The following MCPH1 variants were observed in gnomAD, a reference collection of about 807,000 sequenced individuals.
The protein encoded by MCPH1 is microcephalin 1.
Under a neutral mutation model 84.5 loss-of-function variants are expected in MCPH1, and 104 were observed. That is an observed-to-expected ratio of 1.23 (90% CI 1.05 to 1.45). The LOEUF is 1.45. MCPH1 is among the 40% of genes most tolerant of loss of function. The probability of loss-of-function intolerance (pLI) is 0.00; values close to 1 mark genes in which losing one functional copy is unlikely to be tolerated. For synonymous variants in MCPH1, 514 were observed against 366.8 expected, an observed-to-expected ratio of 1.40 and a Z score of -4.58; for missense variants, 1,498 against 1,005.7, an observed-to-expected ratio of 1.49 and a Z score of -6.62.
intron 9 of MCPH1, among the ~76,000 whole-genome samples, chr8:6,473,360 G>A (rs2442489): frequency 0.67 from 85,031 of 127,052 alleles, 31,394 homozygotes; most frequent in Non-Finnish European, 0.82. Flanking sequence ...AGACGGAGTC[G>A]GGCTCTGTTG....
At position 6,465,540 on chromosome 8, in the gene MCPH1, G is replaced by T. The variant is rs187700938; in HGVS notation, c.1935+10288G>T. Among the ~76,000 whole-genome samples the T allele has an allele frequency of 1.1e-3, 164 of 152,288 alleles. 1 individual carries two copies. The highest frequency in any genetic ancestry group is 3.8e-3 in the African/African-American group (159 of 41,570). On this transcript the variant is annotated intron_variant, in intron 9 of 13. Coordinates refer to ENST00000344683, the MANE Select transcript of MCPH1 (RefSeq NM_024596.5). The stretch of plus-strand genomic sequence containing the variant: ...AGTCTTCCTGGGAGGTTTCTGGAAA[G>T]CGTTCTCTCACTTGTGATAGCCCTG...
At chr8:6,630,253 T>A (rs991862643) in intron 13 of MCPH1, among the ~76,000 whole-genome samples, 1 of 152,060 alleles carries the variant, frequency 6.6e-6, no homozygotes, top group African/African-American at 2.4e-5. Context: ...CCTGACAATG[T>A]TGAAAAAGAA....
chr8:6,593,081 GTTTTTTTT>G (rs377256909), intron 12 of MCPH1, among the ~76,000 whole-genome samples: 1 of 121,734 alleles, frequency 8.2e-6, no homozygotes, highest in East Asian at 2.5e-4. Flanking sequence ...TTAGGGTGTG[GTTTTTTTT>G]TTTTTTTTTT....
chr8:6,421,560 A>G (rs889998075), intron 3 of MCPH1, among the ~76,000 whole-genome samples: 2 of 152,150 alleles, frequency 1.3e-5, no homozygotes, highest in African/African-American at 2.4e-5. Flanking sequence ...AAAAAATTCA[A>G]ATGTTTACTA....
At chr8:6,624,874 C>CTTTT (rs34427383) in intron 13 of MCPH1, 6 of 879,098 alleles carry the variant, frequency 6.8e-6, no homozygotes, top group African/African-American at 1.9e-5. Flanking sequence ...AAATCATATA[C>CTTTT]TTTTTTTTTT....
At chr8:6,623,634 G>GTAAT (rs1831717879) in intron 13 of MCPH1, among the ~76,000 whole-genome samples, 1 of 125,892 alleles carries the variant, frequency 7.9e-6, no homozygotes. Context: ...GCAATCAAAA[G>GTAAT]TAATTTTTTA....
chr8:6,562,772 A>G lies in MCPH1; in HGVS notation c.2215-58682A>G, dbSNP rs1354925701. On this transcript the variant is annotated intron_variant, in intron 12 of 13. Coordinates refer to ENST00000344683, the MANE Select transcript of MCPH1 (RefSeq NM_024596.5). ...TTGGACACGTAGGGGCTGGAGGAAG[A>G]GCGGCAGTTGTCCATCTCTGGCAGG... is the stretch of plus-strand genomic sequence containing the variant. 1.2e-6 allele frequency: 2 copies of G among 1,613,856 alleles called. No homozygotes were observed. Among genetic ancestry groups the G allele is most frequent in the South Asian group, 1.1e-5 (1 of 91,066 alleles).
intron 3 of MCPH1, among the ~76,000 whole-genome samples, chr8:6,425,232 A>G (rs1287607166): frequency 1.3e-5 from 2 of 152,230 alleles, no homozygotes; most frequent in Non-Finnish European, 2.9e-5. Flanking sequence ...AGGCAGCAGC[A>G]GGTCAAATAG....
At chr8:6,563,201 T>A (rs917373134) in intron 12 of MCPH1, 12 of 305,322 alleles carry the variant, frequency 3.9e-5, no homozygotes, top group Non-Finnish European at 6.9e-5. Flanking sequence ...CAGAGCAGCT[T>A]TCACGGTCCT....
At chr8:6,570,400 G>C (rs1017825404) in intron 12 of MCPH1, among the ~76,000 whole-genome samples, 6 of 152,184 alleles carry the variant, frequency 3.9e-5, no homozygotes, top group Non-Finnish European at 8.8e-5. Flanking sequence ...GTATCTGACT[G>C]CCAAAACGGA....
chr8:6,538,309 C>T (rs1315966586), intron 12 of MCPH1, among the ~76,000 whole-genome samples: 1 of 152,200 alleles, frequency 6.6e-6, no homozygotes, highest in East Asian at 1.9e-4. Context: ...CCCCCATGAT[C>T]CCATCTTCCC....
rs955655069 is a variant in MCPH1, at chr8:6,644,562, C to G, written c.*1513C>G. ...AACACAGTAACATTCAAGCTGAGCA[C>G]CAAATCAAGAACGCAATCCCATTTC... On this transcript the variant is annotated 3_prime_UTR_variant, in exon 14 of 14. Transcript: ENST00000344683. 2.8e-4 allele frequency: 43 copies of G among 152,146 alleles called. 1 individual carries two copies. Among genetic ancestry groups the G allele is most frequent in the African/African-American group, 9.2e-4 (38 of 41,428 alleles). 9.4% of individuals were successfully genotyped at this position (152,146 alleles called of 1,614,324 possible). A position where few individuals can be genotyped will look rare whatever the true frequency, so the allele number is the denominator to read the frequency against.
intron 3 of MCPH1, among the ~76,000 whole-genome samples, chr8:6,419,400 T>TC (rs1799831537): frequency 6.7e-6 from 1 of 150,074 alleles, no homozygotes; most frequent in Admixed American, 6.6e-5. Context: ...AAAAATTTTT[T>TC]TTTTCTTTTT....
chr8:6,563,064 C>T, intron 12 of MCPH1: 1 of 988,426 alleles, frequency 1.0e-6, no homozygotes, highest in Non-Finnish European at 1.4e-6. Context: ...TGAAAGTCTT[C>T]TCTTTCCTCT....
chr8:6,559,553 A>G (rs986834276), intron 12 of MCPH1, among the ~76,000 whole-genome samples: 8 of 145,422 alleles, frequency 5.5e-5, no homozygotes, highest in African/African-American at 2.0e-4. Flanking sequence ...CCTCCGTAGT[A>G]GGCATCAACT....
intron 12 of MCPH1, among the ~76,000 whole-genome samples, chr8:6,614,686 G>A (rs1830628549): frequency 6.6e-6 from 1 of 152,092 alleles, no homozygotes; most frequent in Non-Finnish European, 1.5e-5. Flanking sequence ...ATTGAAGCTG[G>A]GGGCAAAAAA....
At chr8:6,606,514 C>T (rs796770737) in intron 12 of MCPH1, among the ~76,000 whole-genome samples, 6 of 152,276 alleles carry the variant, frequency 3.9e-5, no homozygotes, top group African/African-American at 4.8e-5. Context: ...TCCCTAGGTC[C>T]GGCAGCATAA....
At chr8:6,478,152 C>G (rs955157862) in intron 10 of MCPH1, among the ~76,000 whole-genome samples, 1 of 152,062 alleles carries the variant, frequency 6.6e-6, no homozygotes, top group African/African-American at 2.4e-5. Context: ...AGGGGAAAAC[C>G]ATGTTTTTGA....
chr8:6,514,985 A>G (rs1162959282), intron 12 of MCPH1, among the ~76,000 whole-genome samples: 1 of 152,230 alleles, frequency 6.6e-6, no homozygotes, highest in East Asian at 1.9e-4. Context: ...ATGGTGAAAC[A>G]TAAACAGTAA....
Sources: allele counts gnomAD v4.1 joint callset (sites outside exome capture counted in the v4.1 genomes callset), GRCh38; gene constraint gnomAD v4.1.1; transcripts MANE v1.5; gene names NCBI Gene and HGNC (gene_info 2026-07-23, HGNC 2026-07-21).